TP53I11: variants seen among roughly 807,000 people sequenced by gnomAD.
The protein encoded by TP53I11 is tumor protein p53 inducible protein 11, also known as tumor protein p53-inducible protein 11.
A neutral mutation model predicts 23.3 loss-of-function variants in TP53I11; 9 were observed. That is an observed-to-expected ratio of 0.39 (90% CI 0.23 to 0.67). TP53I11 has a LOEUF of 0.67. Ranked by LOEUF, TP53I11 falls within the 30% of genes least tolerant of loss-of-function variation. The pLI, the probability that TP53I11 is intolerant of heterozygous loss-of-function variation, is 0.48. For missense variants in TP53I11, 170 were observed against 255.2 expected, an observed-to-expected ratio of 0.67 and a Z score of 2.27; for synonymous variants, 100 against 106.1, an observed-to-expected ratio of 0.94 and a Z score of 0.35.
chr11:44,940,037 G>A (rs1182672280), intron 1 of TP53I11, among the ~76,000 whole-genome samples: 14 of 152,212 alleles, frequency 9.2e-5, no homozygotes, highest in South Asian at 4.1e-4. Flanking sequence ...TTCATCACCC[G>A]GCTCCTGGAG....
intron 1 of TP53I11, among the ~76,000 whole-genome samples, chr11:44,941,548 G>A (rs1424531215): frequency 6.6e-6 from 1 of 152,166 alleles, no homozygotes; most frequent in African/African-American, 2.4e-5. Flanking sequence ...CTTCCCAGGT[G>A]TAGTTGGGAA....
Position 44,936,662 on chromosome 11 carries a change from A to T in TP53I11, c.334+141T>A. 1 of 1,370,854 alleles carries T rather than the reference A, an allele frequency of 7.3e-7. No homozygotes were observed. The highest frequency in any genetic ancestry group is 1.7e-5 in the South Asian group (1 of 59,010). 84.9% of individuals were successfully genotyped at this position (1,370,854 alleles called of 1,614,324 possible). A position where few individuals can be genotyped will look rare whatever the true frequency, so the allele number is the denominator to read the frequency against. ...CAGCACATCCCCAGCAGAGAGCTTC[A>T]TCAGAGGCCGGGGTGTGGGCGCAGC... On this transcript the variant is annotated intron_variant, in intron 5 of 6. Coordinates refer to ENST00000525680, the MANE Select transcript of TP53I11 (RefSeq NM_006034.5). This position sits in a 1 kb window ranked among gnomAD's most constrained non-coding sequence, Gnocchi z 4.4.
rs1189107845 is a variant in TP53I11, at chr11:44,934,725, G to C, written c.*159C>G. 1 of 964,568 alleles carries C rather than the reference G, an allele frequency of 1.0e-6. No individual in the cohort carries two copies. The highest frequency in any genetic ancestry group is 1.5e-6 in the Non-Finnish European group (1 of 666,852). The allele number at this position is 964,568 out of a possible 1,614,324, so 59.8% of individuals were successfully genotyped here. A position where few individuals can be genotyped will look rare whatever the true frequency, so the allele number is the denominator to read the frequency against. Reference sequence around the variant, plus strand: ...AAGCCCAGGAGATCACAGCACACGGGGTGCCCAGGAGGAAAGGAAGGCCCC... The same window carrying C: ...AAGCCCAGGAGATCACAGCACACGGCGTGCCCAGGAGGAAAGGAAGGCCCC... On this transcript the variant is annotated 3_prime_UTR_variant, in exon 7 of 7. Transcript: ENST00000525680.
At chr11:44,943,599 C>T (rs1409275562) in intron 1 of TP53I11, among the ~76,000 whole-genome samples, 1 of 152,186 alleles carries the variant, frequency 6.6e-6, no homozygotes, top group African/African-American at 2.4e-5. Flanking sequence ...ACACTCTGTC[C>T]CCCCACCATG....
chr11:44,948,489 G>A (rs979380902), intron 1 of TP53I11, among the ~76,000 whole-genome samples: 8 of 151,942 alleles, frequency 5.3e-5, no homozygotes, highest in East Asian at 3.9e-4. Context: ...ATGACAACCC[G>A]GTCCCTGGCC....
At chr11:44,944,272 G>C (rs548988645) in intron 1 of TP53I11, among the ~76,000 whole-genome samples, 2 of 152,182 alleles carry the variant, frequency 1.3e-5, no homozygotes, top group South Asian at 4.1e-4. Flanking sequence ...GGCATCACTC[G>C]CAGGGGAGTG....
At chr11:44,938,440 C>T (rs762895373) in intron 1 of TP53I11, 74 bp from the exon 2 acceptor site, 46 of 1,417,508 alleles carry the variant, frequency 3.2e-5, no homozygotes, top group Non-Finnish European at 4.2e-5. Flanking sequence ...GCCTGACTAG[C>T]GGAAGGCCAC....
At chr11:44,941,828 C>T (rs998258600) in intron 1 of TP53I11, among the ~76,000 whole-genome samples, 3 of 152,132 alleles carry the variant, frequency 2.0e-5, no homozygotes, top group Admixed American at 6.5e-5. Context: ...ACAAGGCTGG[C>T]GCTCAGCCAC....
At chr11:44,937,108 CCATGGGAT>C (rs1861223103) in intron 4 of TP53I11, 188 bp downstream of exon 4, 2 of 795,448 alleles carry the variant, frequency 2.5e-6, no homozygotes, top group South Asian at 3.1e-5. Flanking sequence ...AGGCCACAAA[CCATGGGAT>C]CTAGTGTGCT....
Position 44,935,638 on chromosome 11 carries a change from G to T in TP53I11, c.359C>A (p.Ala120Asp). ...LLSISLIMWNALYTAEKVIIR... is the reference protein window; with the variant it reads ...LLSISLIMWNDLYTAEKVIIR... ...GATGACCTTCTCAGCCGTGTAGAGA[G>T]CGTTCCACATGATCAGGGAGATGCC... The change falls in exon 6 of 7, where the codon GCT (alanine) becomes GAT (aspartate). Residue 120 changes from alanine (A) to aspartate (D), a missense_variant. Ala to Asp is a moderately radical substitution (Grantham distance 126, BLOSUM62 -2). Transcript: ENST00000525680. 3 of 1,613,218 alleles carry T rather than the reference G, an allele frequency of 1.9e-6. No individual in the cohort carries two copies. The highest frequency in any genetic ancestry group is 2.5e-6 in the Non-Finnish European group (3 of 1,179,706).
intron 1 of TP53I11, among the ~76,000 whole-genome samples, chr11:44,945,464 T>C (rs926999956): frequency 3.3e-5 from 5 of 151,728 alleles, no homozygotes; most frequent in Non-Finnish European, 7.4e-5. Context: ...GAGAAGCTGA[T>C]GTGTGTGTGC....
intron 1 of TP53I11, among the ~76,000 whole-genome samples, chr11:44,946,834 G>A (rs576524777): frequency 9.2e-5 from 14 of 152,240 alleles, no homozygotes; most frequent in Middle Eastern, 3.4e-3. Flanking sequence ...GCCTCACAGC[G>A]GCCACACTCC....
At chr11:44,935,269 G>A (rs532227369) in intron 6 of TP53I11, among the ~76,000 whole-genome samples, 4 of 151,768 alleles carry the variant, frequency 2.6e-5, no homozygotes, top group South Asian at 4.1e-4. Flanking sequence ...TATTACACAC[G>A]TGCTGGGTAC....
At chr11:44,938,481 A>C in intron 1 of TP53I11, 115 bp from the exon 2 acceptor site, 2 of 1,231,138 alleles carry the variant, frequency 1.6e-6, no homozygotes, top group Non-Finnish European at 2.2e-6. Flanking sequence ...AGGCCTCCCC[A>C]CGAGCCCAGG....
Position 44,932,660 on chromosome 11 carries a change from T to G in TP53I11, c.*2224A>C, listed in dbSNP as rs1426198391. On this transcript the variant is annotated 3_prime_UTR_variant, in exon 7 of 7. Coordinates refer to ENST00000525680, the MANE Select transcript of TP53I11 (RefSeq NM_006034.5). ...TCCTTGCCTTAGAGTCCCCCTGCCC[T>G]CCAAGCTGTACGTCTGTCTTCCAGA... is the stretch of plus-strand genomic sequence containing the variant. The G allele has an allele frequency of 6.6e-6, 1 of 152,406 alleles. No homozygotes were observed. 9.4% of individuals were successfully genotyped at this position (152,406 alleles called of 1,614,324 possible). A position where few individuals can be genotyped will look rare whatever the true frequency, so the allele number is the denominator to read the frequency against.
Position 44,936,067 on chromosome 11 carries a change from C to T in TP53I11, c.335-405G>A. On this transcript the variant is annotated intron_variant, in intron 5 of 6. Coordinates refer to ENST00000525680, the MANE Select transcript of TP53I11 (RefSeq NM_006034.5). The surrounding 1 kb of genome is among the most constrained non-coding windows in gnomAD (Gnocchi z 4.4). ...ATGATTGGGTTTTCTTTTACACGGA[C>T]TCCCAGACAGAAAACCTGAGCCCGG... 2 of 308,664 alleles carry T rather than the reference C, an allele frequency of 6.5e-6. No homozygotes were observed. Among genetic ancestry groups the T allele is most frequent in the Non-Finnish European group, 5.1e-6 (1 of 196,120 alleles). 19.1% of individuals were successfully genotyped at this position (308,664 alleles called of 1,614,324 possible).
rs1861147234 is a variant in TP53I11, at chr11:44,936,666, G to T, written c.334+137C>A. Reference sequence around the variant, plus strand: ...ACATCCCCAGCAGAGAGCTTCATCAGAGGCCGGGGTGTGGGCGCAGCATCT... The same window carrying T: ...ACATCCCCAGCAGAGAGCTTCATCATAGGCCGGGGTGTGGGCGCAGCATCT... On this transcript the variant is annotated intron_variant, in intron 5 of 6. Transcript: ENST00000525680. The surrounding 1 kb of genome is among the most constrained non-coding windows in gnomAD (Gnocchi z 4.4). The T allele has an allele frequency of 7.3e-7, 1 of 1,369,606 alleles. No homozygotes were observed. Among genetic ancestry groups the T allele is most frequent in the Non-Finnish European group, 9.4e-7 (1 of 1,059,446 alleles). 84.8% of individuals were successfully genotyped at this position (1,369,606 alleles called of 1,614,324 possible).
Position 44,934,878 on chromosome 11 carries a change from G to A in TP53I11, c.*6C>T, listed in dbSNP as rs370800591. The A allele has an allele frequency of 2.7e-5, 43 of 1,613,926 alleles. No homozygotes were observed. The African/African-American group carries it at 4.5e-4, about 17-fold the overall frequency. ...GCATGGGCAGGGCCCCAGGCCCAGC[G>A]GGCAACTAGGCCTTCTTGGGTCTTC... On this transcript the variant is annotated 3_prime_UTR_variant, in exon 7 of 7. Transcript: ENST00000525680.
rs79799648 is a variant in TP53I11 at position 44,947,964 on chromosome 11, C to T, written c.-32+2713G>A. On this transcript the variant is annotated intron_variant, in intron 1 of 6. Coordinates refer to ENST00000525680, the MANE Select transcript of TP53I11 (RefSeq NM_006034.5). ...TCAGTTGCCCCCTTGACCAAATCTG[C>T]CTCAGAGCAGGTCCCCTTCTAGGGA... Among the ~76,000 whole-genome samples, 1,214 of 152,300 alleles carry T rather than the reference C, an allele frequency of 8.0e-3. 20 individuals are homozygous for T. The highest frequency in any genetic ancestry group is 0.028 in the African/African-American group (1,173 of 41,552).
Sources: allele counts gnomAD v4.1 joint callset (sites outside exome capture counted in the v4.1 genomes callset), GRCh38; gene constraint gnomAD v4.1.1; non-coding constraint Gnocchi (gnomAD v3.1); transcripts MANE v1.5; gene names NCBI Gene and HGNC (gene_info 2026-07-23, HGNC 2026-07-21).